STARD3NL: variants seen among roughly 807,000 people sequenced by gnomAD.
The protein encoded by STARD3NL is STARD3 N-terminal like.
STARD3NL carries 17 observed loss-of-function variants against 30.9 expected under a neutral mutation model. The ratio of observed to expected loss-of-function variants is 0.55; its 90% confidence interval spans 0.38 to 0.82. The LOEUF (loss-of-function observed/expected upper bound fraction) is 0.82. STARD3NL is among the 40% of genes least tolerant of loss of function. The pLI, the probability that STARD3NL is intolerant of heterozygous loss-of-function variation, is 0.00. For missense variants in STARD3NL, 234 were observed against 277.6 expected (o/e 0.84, Z 1.12); for synonymous variants, 112 against 100.5 (o/e 1.11, Z -0.69).
At chr7:38,218,696 C>G (rs1017984282) in intron 6 of STARD3NL, among the ~76,000 whole-genome samples, 1 of 152,160 alleles carries the variant, frequency 6.6e-6, no homozygotes, top group Non-Finnish European at 1.5e-5. Flanking sequence ...GTGCTTCCTC[C>G]GACTTTATCC....
chr7:38,207,607 G>A lies in STARD3NL; in HGVS notation c.103G>A (p.Ala35Thr). 2 of 1,614,086 alleles carry A rather than the reference G, an allele frequency of 1.2e-6. No homozygotes were observed. ...IHSINPTQLM[A>T]RIESYEGREK... ...TTCCATCAACCCCACACAACTCATG[G>A]CCAGGATTGAGTCCTATGAAGGAAG... Residue 35 changes from alanine (A) to threonine (T), a missense_variant, in exon 2 of 9, where the codon GCC becomes ACC. Ala to Thr is a moderately conservative substitution (Grantham distance 58). Transcript: ENST00000009041.
In STARD3NL at chr7:38,229,755, T is replaced by C. The variant is rs74578651; in HGVS notation, c.*18-168T>C. The stretch of plus-strand genomic sequence containing the variant: ...TGGGCATGCTCGTAGTTGAGCCTTT[T>C]CTAAAATGTTTTAACATGAATTCTA... On this transcript the variant is annotated intron_variant, in intron 8 of 8. Transcript: ENST00000009041. Among the ~76,000 whole-genome samples the C allele has an allele frequency of 2.3e-3, 351 of 152,330 alleles. 3 individuals are homozygous for C. Among genetic ancestry groups the C allele is most frequent in the African/African-American group, 8.2e-3 (339 of 41,584 alleles).
At chr7:38,212,449 G>A (rs991234206) in intron 2 of STARD3NL, among the ~76,000 whole-genome samples, 3 of 152,142 alleles carry the variant, frequency 2.0e-5, no homozygotes, top group Non-Finnish European at 2.9e-5. Context: ...ACACTGTCCT[G>A]CTTCTGTTGT....
At chr7:38,193,903 T>C (rs974032806) in intron 1 of STARD3NL, among the ~76,000 whole-genome samples, 1 of 152,216 alleles carries the variant, frequency 6.6e-6, no homozygotes, top group Non-Finnish European at 1.5e-5. Context: ...TTACATGTTC[T>C]TGTTCAGATA....
chr7:38,225,796 G>A (rs1004804327), intron 7 of STARD3NL, among the ~76,000 whole-genome samples: 10 of 152,042 alleles, frequency 6.6e-5, no homozygotes, highest in African/African-American at 2.2e-4. Context: ...GATATCACAT[G>A]AATTTTGATA....
At chr7:38,227,223 T>C (rs1008914452) in intron 7 of STARD3NL, among the ~76,000 whole-genome samples, 7 of 152,186 alleles carry the variant, frequency 4.6e-5, no homozygotes, top group African/African-American at 1.7e-4. Context: ...CAACTCACTG[T>C]GGTTTCAGTG....
In STARD3NL at chr7:38,207,546, G is replaced by A; in HGVS notation, c.42G>A (p.Gly14=). 6.2e-7 allele frequency: 1 copy of A among 1,613,978 alleles called. No individual in the cohort carries two copies. The highest frequency in any genetic ancestry group is 8.5e-7 in the Non-Finnish European group (1 of 1,179,956). ...LPEDMENALT[G]SQSSHASLRN... ...AAGACATGGAGAACGCTCTCACCGG[G>A]AGCCAGAGCTCCCATGCTTCTCTGC... Residue 14 remains glycine (G), a synonymous_variant, in exon 2 of 9, where the codon GGG becomes GGA. Transcript: ENST00000009041.
intron 1 of STARD3NL, among the ~76,000 whole-genome samples, chr7:38,186,598 A>G (rs1042215596): frequency 1.3e-5 from 2 of 152,166 alleles, no homozygotes; most frequent in African/African-American, 2.4e-5. Context: ...TTATAATACC[A>G]TATTTTTGCT....
chr7:38,216,889 T>C (rs893446199), intron 4 of STARD3NL, 136 bp from the exon 5 acceptor site: 2 of 959,872 alleles, frequency 2.1e-6, no homozygotes. Context: ...CTGAGTGATA[T>C]GGGAAGGAGC....
intron 1 of STARD3NL, among the ~76,000 whole-genome samples, chr7:38,186,393 A>G (rs1784459134): frequency 6.6e-6 from 1 of 152,200 alleles, no homozygotes; most frequent in Non-Finnish European, 1.5e-5. Flanking sequence ...CAACTGAAAA[A>G]TCAGCAGTAT....
intron 1 of STARD3NL, among the ~76,000 whole-genome samples, chr7:38,205,259 C>T (rs1007731441): frequency 3.9e-5 from 6 of 152,204 alleles, no homozygotes; most frequent in African/African-American, 1.4e-4. Flanking sequence ...CAAACCGAAT[C>T]CAGCAACACA....
intron 6 of STARD3NL, 149 bp downstream of exon 6, chr7:38,217,454 G>A (rs1786190462): frequency 1.4e-6 from 1 of 698,154 alleles, no homozygotes; most frequent in South Asian, 1.8e-5. Flanking sequence ...AGCAGAAATC[G>A]AGAGAAGGGT....
Position 38,216,928 on chromosome 7 carries a change from G to A in STARD3NL, c.382-97G>A, listed in dbSNP as rs545891759. ...GCTAGGCACAGGTTTTTCAGGCCTT[G>A]CCTGCTCCTGGCTCAGACGGGTCTC... On this transcript the variant is annotated intron_variant, in intron 4 of 8. Coordinates refer to ENST00000009041, the MANE Select transcript of STARD3NL (RefSeq NM_032016.4). 2.1e-5 allele frequency: 31 copies of A among 1,457,112 alleles called. No homozygotes were observed. The South Asian group carries it at 3.1e-4, about 14-fold the overall frequency. The allele number at this position is 1,457,112 out of a possible 1,614,324, so 90.3% of individuals were successfully genotyped here.
Position 38,228,860 on chromosome 7 carries a change from A to G in STARD3NL, c.*6A>G, listed in dbSNP as rs1389553400. ...AACCACTTTTAGAACTATGAGTACT[A>G]CTTTTGTTAAAGTAAGTGTTTGAAA... On this transcript the variant is annotated 3_prime_UTR_variant, in exon 8 of 9. Transcript: ENST00000009041. The G allele has an allele frequency of 6.2e-7, 1 of 1,610,276 alleles. No individual in the cohort carries two copies. Among genetic ancestry groups the G allele is most frequent in the East Asian group, 2.2e-5 (1 of 44,736 alleles).
At chr7:38,187,851 A>G (rs1054064628) in intron 1 of STARD3NL, among the ~76,000 whole-genome samples, 3 of 152,134 alleles carry the variant, frequency 2.0e-5, no homozygotes, top group East Asian at 1.9e-4. Flanking sequence ...CTTTCACTAA[A>G]TAGCACATCC....
At chr7:38,186,370 A>G (rs1173576201) in intron 1 of STARD3NL, among the ~76,000 whole-genome samples, 9 of 152,214 alleles carry the variant, frequency 5.9e-5, no homozygotes, top group Admixed American at 3.9e-4. Context: ...AAGTTCTGGA[A>G]AAAGATAGTC....
intron 1 of STARD3NL, among the ~76,000 whole-genome samples, chr7:38,181,073 A>G (rs1424393390): frequency 6.6e-6 from 1 of 152,236 alleles, no homozygotes; most frequent in Non-Finnish European, 1.5e-5. Context: ...GGCTACAATA[A>G]TCATTTGCCT....
intron 1 of STARD3NL, among the ~76,000 whole-genome samples, chr7:38,181,815 A>C (rs76562527): frequency 0.1 from 15,467 of 152,128 alleles, 891 homozygotes; most frequent in East Asian, 0.18. Flanking sequence ...ATCTTCTGCC[A>C]TGAGCCTAGT....
chr7:38,228,468 A>G (rs1007369238), intron 7 of STARD3NL, among the ~76,000 whole-genome samples: 4 of 152,226 alleles, frequency 2.6e-5, no homozygotes, highest in Admixed American at 1.3e-4. Context: ...ACATTTTTGC[A>G]TGTAAAAAAA....
Sources: gnomAD v4.1 joint callset for allele counts (sites outside exome capture counted in the v4.1 genomes callset) on GRCh38, gnomAD v4.1.1 for gene constraint, MANE v1.5 for transcripts, NCBI Gene and HGNC (gene_info 2026-07-23, HGNC 2026-07-21) for gene names.